The following PDZRN4 variants were observed in gnomAD, a reference collection of about 807,000 sequenced individuals.
PDZRN4 encodes PDZ domain-containing RING finger protein 4.
A neutral mutation model predicts 99.0 loss-of-function variants in PDZRN4; 70 were observed. The ratio of observed to expected loss-of-function variants is 0.71; its 90% CI spans 0.58 to 0.86. PDZRN4 has a LOEUF of 0.86. Among genes scored for constraint, PDZRN4 ranks in the 40% least tolerant of loss-of-function variants. The pLI is 0.00. For synonymous variants in PDZRN4, 551 were observed against 501.6 expected (o/e 1.10, Z -1.32); for missense variants, 1,474 against 1,331.2 (o/e 1.11, Z -1.67).
intron 3 of PDZRN4, among the ~76,000 whole-genome samples, chr12:41,440,014 T>C (rs1193650218): frequency 6.6e-6 from 1 of 152,134 alleles, no homozygotes; most frequent in African/African-American, 2.4e-5. Context: ...CTATTTTTAT[T>C]TGGAGGAAAG....
chr12:41,355,650 T>C (rs2121048278), intron 3 of PDZRN4, among the ~76,000 whole-genome samples: 1 of 152,208 alleles, frequency 6.6e-6, no homozygotes, highest in Non-Finnish European at 1.5e-5. Context: ...ATTGATACTG[T>C]ATTAAACAAA....
chr12:41,494,980 ATGTCATGCAAGTTCTACTTTC>A (rs1186085314), intron 3 of PDZRN4, among the ~76,000 whole-genome samples: 1 of 152,144 alleles, frequency 6.6e-6, no homozygotes, highest in African/African-American at 2.4e-5. Context: ...GGACAGTTGT[ATGTCATGCAAGTTCTACTTTC>A]TTATGTTAAT....
chr12:41,215,632 A>G (rs373824981), intron 3 of PDZRN4, among the ~76,000 whole-genome samples: 1 of 152,078 alleles, frequency 6.6e-6, no homozygotes, highest in Non-Finnish European at 1.5e-5. Flanking sequence ...CATGATGATT[A>G]CATAGACATT....
intron 3 of PDZRN4, chr12:41,437,905 G>A (rs1368892621): frequency 3.7e-6 from 6 of 1,613,820 alleles, no homozygotes; most frequent in Non-Finnish European, 5.1e-6. Flanking sequence ...TTCAGTTCTG[G>A]GGAAATTAGA....
chr12:41,414,117 G>A (rs947768136), intron 3 of PDZRN4, among the ~76,000 whole-genome samples: 1 of 152,074 alleles, frequency 6.6e-6, no homozygotes, highest in Non-Finnish European at 1.5e-5. Flanking sequence ...TCTTTTCTTT[G>A]AGAATGCTGA....
At chr12:41,210,022 C>T (rs1450674844) in intron 3 of PDZRN4, among the ~76,000 whole-genome samples, 3 of 151,718 alleles carry the variant, frequency 2.0e-5, no homozygotes, top group East Asian at 1.9e-4. Context: ...TTTCCTGACT[C>T]TTTAATGATC....
chr12:41,572,852 A>G lies in PDZRN4; in HGVS notation c.2073A>G (p.Lys691=), dbSNP rs778727107. The G allele has an allele frequency of 1.2e-6, 2 of 1,614,152 alleles. No individual in the cohort carries two copies. The highest frequency in any genetic ancestry group is 1.3e-5 in the African/African-American group (1 of 75,044). The change falls in exon 10 of 10, where the codon AAA becomes AAG. Residue 691 remains lysine, a synonymous_variant. Transcript: ENST00000402685. ...TCATGCAGGCTCACAGGCTCCAGAA[A>G]GTGACAGACCAGTATGGAGACATCT... The part of the protein sequence containing the change: ...QNIMQAHRLQ[K]VTDQYGDIWT...
At chr12:41,232,450 G>A (rs979191286) in intron 3 of PDZRN4, among the ~76,000 whole-genome samples, 6 of 152,048 alleles carry the variant, frequency 3.9e-5, no homozygotes, top group African/African-American at 1.4e-4. Flanking sequence ...CATCCTCAAG[G>A]CCTAGAATTT....
chr12:41,218,958 T>G (rs1950937678), intron 3 of PDZRN4, among the ~76,000 whole-genome samples: 1 of 150,200 alleles, frequency 6.7e-6, no homozygotes, highest in South Asian at 2.1e-4. Flanking sequence ...AGGAATATTA[T>G]TTTACTAGGA....
At chr12:41,434,526 A>ATCTAC (rs931809106) in intron 3 of PDZRN4, among the ~76,000 whole-genome samples, 3 of 152,198 alleles carry the variant, frequency 2.0e-5, no homozygotes, top group African/African-American at 7.2e-5. Flanking sequence ...ACTCCCTCTC[A>ATCTAC]TCTACTCTTT....
intron 8 of PDZRN4, among the ~76,000 whole-genome samples, 182 bp from the exon 9 acceptor site, chr12:41,567,601 G>C (rs1245319977): frequency 9.0e-6 from 1 of 111,104 alleles, no homozygotes; most frequent in Non-Finnish European, 1.8e-5. Flanking sequence ...AGGCATAAGA[G>C]TCCTTTTTTT....
chr12:41,477,609 AG>A (rs1364037426), intron 3 of PDZRN4, among the ~76,000 whole-genome samples: 2 of 152,190 alleles, frequency 1.3e-5, no homozygotes, highest in Non-Finnish European at 2.9e-5. Flanking sequence ...CATCAGCAAA[AG>A]GTTCTTTTTA....
At chr12:41,427,961 G>A (rs1018603136) in intron 3 of PDZRN4, among the ~76,000 whole-genome samples, 1 of 152,092 alleles carries the variant, frequency 6.6e-6, no homozygotes, top group Admixed American at 6.5e-5. Context: ...GGTGGCAGGT[G>A]CTTGTAATCC....
chr12:41,264,180 A>G (rs914228713), intron 3 of PDZRN4, among the ~76,000 whole-genome samples: 1 of 152,226 alleles, frequency 6.6e-6, no homozygotes, highest in East Asian at 1.9e-4. Flanking sequence ...TTTATATGAT[A>G]ACAAAATAAT....
intron 3 of PDZRN4, among the ~76,000 whole-genome samples, chr12:41,309,030 G>T (rs1951588774): frequency 6.6e-6 from 1 of 151,830 alleles, no homozygotes; most frequent in African/African-American, 2.4e-5. Flanking sequence ...AAGGATTAAA[G>T]ACCCAAAATG....
intron 3 of PDZRN4, among the ~76,000 whole-genome samples, chr12:41,319,354 G>A (rs73122891): frequency 0.16 from 24,636 of 152,074 alleles, 2,426 homozygotes; most frequent in Non-Finnish European, 0.22. Context: ...CTTTGCAGAG[G>A]TTGGGAGAGA....
intron 3 of PDZRN4, among the ~76,000 whole-genome samples, chr12:41,400,594 T>G (rs1283800678): frequency 2.6e-5 from 4 of 152,150 alleles, no homozygotes; most frequent in Non-Finnish European, 5.9e-5. Flanking sequence ...CTAAAATGTT[T>G]ACAGCTTTCA....
At chr12:41,280,947 C>T (rs1025800819) in intron 3 of PDZRN4, among the ~76,000 whole-genome samples, 2 of 152,174 alleles carry the variant, frequency 1.3e-5, no homozygotes, top group African/African-American at 4.8e-5. Flanking sequence ...GTTTGACAGA[C>T]ACCTCATACA....
At chr12:41,395,151 T>G (rs925563493) in intron 3 of PDZRN4, among the ~76,000 whole-genome samples, 3 of 152,152 alleles carry the variant, frequency 2.0e-5, no homozygotes, top group African/African-American at 7.2e-5. Context: ...ATCATCCATA[T>G]CAAGTCTAGG....
Sources: gnomAD v4.1 joint callset for allele counts (sites outside exome capture counted in the v4.1 genomes callset) on GRCh38, gnomAD v4.1.1 for gene constraint, MANE v1.5 for transcripts, NCBI Gene and HGNC (gene_info 2026-07-23, HGNC 2026-07-21) for gene names.